The following KLHDC7A variants were observed in gnomAD, a reference collection of about 807,000 sequenced individuals.
The protein encoded by KLHDC7A is kelch domain containing 7A, also known as kelch domain-containing protein 7A.
For synonymous variants in KLHDC7A, 464 were observed against 461.0 expected (o/e 1.01, Z -0.08); for missense variants, 1,123 against 1,052.6 (o/e 1.07, Z -0.93).
Position 18,484,276 on chromosome 1 carries a change from A to G in KLHDC7A, c.*961A>G, listed in dbSNP as rs1281617158. ...CCGCATTCACATTTTCAGGTGGATGACCAAGCGGAGGAACTAGAAGAGTCT... is the reference window on the plus strand; with the variant it reads ...CCGCATTCACATTTTCAGGTGGATGGCCAAGCGGAGGAACTAGAAGAGTCT... On this transcript the variant is annotated 3_prime_UTR_variant, in exon 1 of 1. Coordinates refer to ENST00000400664, the MANE Select transcript of KLHDC7A (RefSeq NM_152375.3). 1 of 367,280 alleles carries G rather than the reference A, an allele frequency of 2.7e-6. No individual in the cohort carries two copies. The highest frequency in any genetic ancestry group is 2.1e-5 in the African/African-American group (1 of 46,684). The allele number at this position is 367,280 out of a possible 1,614,324, so 22.8% of individuals were successfully genotyped here.
chr1:18,483,688 C>T lies in KLHDC7A; in HGVS notation c.*373C>T. On this transcript the variant is annotated 3_prime_UTR_variant, in exon 1 of 1. Coordinates refer to ENST00000400664, the MANE Select transcript of KLHDC7A (RefSeq NM_152375.3). ...CACAATTCTAGGAGCCAGTTGACCC[C>T]AGCAGCCCCTCGCTAGTTGCTCTGG... 1 of 1,196,358 alleles carries T rather than the reference C, an allele frequency of 8.4e-7. No individual in the cohort carries two copies. Among genetic ancestry groups the T allele is most frequent in the East Asian group, 5.7e-5 (1 of 17,420 alleles). 74.1% of individuals were successfully genotyped at this position (1,196,358 alleles called of 1,614,324 possible).
chr1:18,483,248 C>T lies in KLHDC7A; in HGVS notation c.2267C>T (p.Pro756Leu), dbSNP rs776820499. Residue 756 changes from proline (P) to leucine (L), a missense_variant, in exon 1 of 1, where the codon CCG becomes CTG. Physicochemically the swap from Pro to Leu is moderately conservative, Grantham distance 98. Coordinates refer to ENST00000400664, the MANE Select transcript of KLHDC7A (RefSeq NM_152375.3). ...VPKELRSFPA[P>L]QGTLLPTVLT... ...AAGGAGCTGCGGAGTTTCCCGGCCC[C>T]GCAGGGCACCCTCCTGCCCACCGTC... The T allele has an allele frequency of 1.9e-6, 3 of 1,613,872 alleles. No homozygotes were observed. The highest frequency in any genetic ancestry group is 1.7e-5 in the Admixed American group (1 of 60,026).
chr1:18,481,749 C>T lies in KLHDC7A; in HGVS notation c.768C>T (p.Pro256=), dbSNP rs1557444740. The change falls in exon 1 of 1, where the codon CCC becomes CCT. Residue 256 remains proline (P), a synonymous_variant. Transcript: ENST00000400664. ...DLTLHQQEGA[P]NSSYTFSSIA... Reference sequence around the variant, plus strand: ...CCCTGCATCAGCAGGAGGGCGCCCCCAACTCCTCCTATACCTTCTCATCCA... The same window carrying T: ...CCCTGCATCAGCAGGAGGGCGCCCCTAACTCCTCCTATACCTTCTCATCCA... The T allele has an allele frequency of 6.2e-7, 1 of 1,613,994 alleles. No individual in the cohort carries two copies. The highest frequency in any genetic ancestry group is 2.2e-5 in the East Asian group (1 of 44,866).
Position 18,481,236 on chromosome 1 carries a change from C to A in KLHDC7A, c.255C>A (p.Ser85Arg), listed in dbSNP as rs1033666260. The change falls in exon 1 of 1, where the codon AGC becomes AGA. Residue 85 changes from serine to arginine, a missense_variant. Coordinates refer to ENST00000400664, the MANE Select transcript of KLHDC7A (RefSeq NM_152375.3). ...TGAGGGGGCCAAGACGTCGGAGGAG[C>A]AGCAAGCGGGCTGAAGCACCACAGG... is the stretch of plus-strand genomic sequence containing the variant. ...VLLRGPRRRR[S>R]SKRAEAPQGC... 1 of 1,585,278 alleles carries A rather than the reference C, an allele frequency of 6.3e-7. No individual in the cohort carries two copies. Among genetic ancestry groups the A allele is most frequent in the African/African-American group, 1.3e-5 (1 of 74,248 alleles).
Position 18,481,900 on chromosome 1 carries a change from G to T in KLHDC7A, c.919G>T (p.Ala307Ser). The T allele has an allele frequency of 6.2e-7, 1 of 1,613,376 alleles. No individual in the cohort carries two copies. Among genetic ancestry groups the T allele is most frequent in the East Asian group, 2.2e-5 (1 of 44,866 alleles). The change falls in exon 1 of 1, where the codon GCT becomes TCT. Residue 307 changes from alanine to serine, a missense_variant. Physicochemically the swap from Ala to Ser is moderately conservative, Grantham distance 99. Coordinates refer to ENST00000400664, the MANE Select transcript of KLHDC7A (RefSeq NM_152375.3). ...TCAGGCCATCTTCCAGGGCAGGCTGGCTCCCAGGACAGCAGCCCTGACTGA... is the reference window on the plus strand; with the variant it reads ...TCAGGCCATCTTCCAGGGCAGGCTGTCTCCCAGGACAGCAGCCCTGACTGA... ...TSQAIFQGRL[A>S]PRTAALTEVP...
At position 18,483,189 on chromosome 1, in the gene KLHDC7A, C is replaced by G. The variant is rs371488614; in HGVS notation, c.2208C>G (p.Phe736Leu). 3 of 1,614,094 alleles carry G rather than the reference C, an allele frequency of 1.9e-6. No individual in the cohort carries two copies. Among genetic ancestry groups the G allele is most frequent in the Admixed American group, 1.7e-5 (1 of 60,034 alleles). The change falls in exon 1 of 1, where the codon TTC becomes TTG. Residue 736 changes from phenylalanine to leucine, a missense_variant. Phe to Leu is a conservative substitution (Grantham distance 22). Coordinates refer to ENST00000400664, the MANE Select transcript of KLHDC7A (RefSeq NM_152375.3). ...YCVGRRSTLC[F>L]LADSVSPRFV... Reference sequence around the variant, plus strand: ...TGGGACGCCGGAGCACCCTCTGCTTCCTAGCAGACTCTGTCTCACCCAGGT... The same window carrying G: ...TGGGACGCCGGAGCACCCTCTGCTTGCTAGCAGACTCTGTCTCACCCAGGT...
rs1303501680 is a variant in KLHDC7A, at chr1:18,481,465, G to A, written c.484G>A (p.Gly162Ser). 1 of 1,613,720 alleles carries A rather than the reference G, an allele frequency of 6.2e-7. No homozygotes were observed. The highest frequency in any genetic ancestry group is 8.5e-7 in the Non-Finnish European group (1 of 1,180,024). The change falls in exon 1 of 1, where the codon GGC becomes AGC. Residue 162 changes from glycine to serine, a missense_variant. Transcript: ENST00000400664. The part of the protein sequence containing the change: ...NPDPPHFPRL[G>S]SEPKSSPAGL... ...TGACCCTCCCCATTTCCCCCGCTTG[G>A]GCAGCGAACCGAAGAGCTCCCCAGC...
At position 18,483,347 on chromosome 1, in the gene KLHDC7A, TG is replaced by T; in HGVS notation, c.*37del. ...CTCAACTGAGCTCCTCATGCAAAGC[TG>T]GGGGCCACCGGGCTCCACTGCCAGC... On this transcript the variant is annotated 3_prime_UTR_variant, in exon 1 of 1. Coordinates refer to ENST00000400664, the MANE Select transcript of KLHDC7A (RefSeq NM_152375.3). The T allele has an allele frequency of 6.3e-7, 1 of 1,590,998 alleles. No individual in the cohort carries two copies. The highest frequency in any genetic ancestry group is 8.6e-7 in the Non-Finnish European group (1 of 1,166,228).
At position 18,483,810 on chromosome 1, in the gene KLHDC7A, G is replaced by A. The variant is rs1283800907; in HGVS notation, c.*495G>A. Reference sequence around the variant, plus strand: ...CCCAGAAGCACCGGGACACACAGGTGGGAAAGATGGAGGCAGGTGACTTGG... The same window carrying A: ...CCCAGAAGCACCGGGACACACAGGTAGGAAAGATGGAGGCAGGTGACTTGG... On this transcript the variant is annotated 3_prime_UTR_variant, in exon 1 of 1. Coordinates refer to ENST00000400664, the MANE Select transcript of KLHDC7A (RefSeq NM_152375.3). The A allele has an allele frequency of 5.7e-6, 7 of 1,218,424 alleles. No homozygotes were observed. The Admixed American group carries it at 2.0e-4, about 35-fold the overall frequency. 75.5% of individuals were successfully genotyped at this position (1,218,424 alleles called of 1,614,324 possible).
chr1:18,484,387 C>G lies in KLHDC7A; in HGVS notation c.*1072C>G, dbSNP rs1489159229. 1 of 271,110 alleles carries G rather than the reference C, an allele frequency of 3.7e-6. No individual in the cohort carries two copies. The highest frequency in any genetic ancestry group is 7.7e-6 in the Non-Finnish European group (1 of 129,614). 16.8% of individuals were successfully genotyped at this position (271,110 alleles called of 1,614,324 possible). Reference sequence around the variant, plus strand: ...GAGACCCCCAGCCTCAGGAAAGCACCTGTCCTTCCAGGAGGGACGGGAGAG... The same window carrying G: ...GAGACCCCCAGCCTCAGGAAAGCACGTGTCCTTCCAGGAGGGACGGGAGAG... On this transcript the variant is annotated 3_prime_UTR_variant, in exon 1 of 1. Coordinates refer to ENST00000400664, the MANE Select transcript of KLHDC7A (RefSeq NM_152375.3).
chr1:18,481,964 C>T lies in KLHDC7A; in HGVS notation c.983C>T (p.Thr328Ile), dbSNP rs772343349. Residue 328 changes from threonine (T) to isoleucine (I), a missense_variant, in exon 1 of 1, where the codon ACA (threonine) becomes ATA (isoleucine). Physicochemically the swap from Thr to Ile is moderately conservative, Grantham distance 89 (BLOSUM62 -1). Transcript: ENST00000400664. ...SPRPPPGSLG[T>I]GAASGGQAGD... Reference sequence around the variant, plus strand: ...AGGCCACCGCCAGGGTCCCTGGGAACAGGGGCTGCCTCGGGAGGCCAAGCC... The same window carrying T: ...AGGCCACCGCCAGGGTCCCTGGGAATAGGGGCTGCCTCGGGAGGCCAAGCC... 6.2e-7 allele frequency: 1 copy of T among 1,613,078 alleles called. No individual in the cohort carries two copies. Among genetic ancestry groups the T allele is most frequent in the South Asian group, 1.1e-5 (1 of 91,084 alleles).
Position 18,483,617 on chromosome 1 carries a change from A to T in KLHDC7A, c.*302A>T, listed in dbSNP as rs2086914886. ...TTCAACTCTGAATTCTTGGGGGGAT[A>T]CACCGGGACCCCACCAAAGCTTAGG... On this transcript the variant is annotated 3_prime_UTR_variant, in exon 1 of 1. Transcript: ENST00000400664. 1.5e-6 allele frequency: 2 copies of T among 1,300,644 alleles called. No homozygotes were observed. Among genetic ancestry groups the T allele is most frequent in the African/African-American group, 3.0e-5 (2 of 66,540 alleles). The allele number at this position is 1,300,644 out of a possible 1,614,324, so 80.6% of individuals were successfully genotyped here. A position where few individuals can be genotyped will look rare whatever the true frequency, so the allele number is the denominator to read the frequency against.
Position 18,484,042 on chromosome 1 carries a change from G to C in KLHDC7A, c.*727G>C, listed in dbSNP as rs1292696788. 7.7e-7 allele frequency: 1 copy of C among 1,303,910 alleles called. No individual in the cohort carries two copies. The highest frequency in any genetic ancestry group is 2.3e-5 in the Admixed American group (1 of 43,552). The allele number at this position is 1,303,910 out of a possible 1,614,324, so 80.8% of individuals were successfully genotyped here. A position where few individuals can be genotyped will look rare whatever the true frequency, so the allele number is the denominator to read the frequency against. On this transcript the variant is annotated 3_prime_UTR_variant, in exon 1 of 1. Transcript: ENST00000400664. ...TATCTTCTGGTGGAGGTCTGCTAAG[G>C]ATACACGGAGGTCTCAGCAAAGGGA...
In KLHDC7A at chr1:18,484,838, T is replaced by A. The variant is rs1229624859; in HGVS notation, c.*1523T>A. Reference sequence around the variant, plus strand: ...AGACCACCATCCCTGGTCTGGGCTCTGGCACCAGGCTCTGCCAGTGGCAGC... The same window carrying A: ...AGACCACCATCCCTGGTCTGGGCTCAGGCACCAGGCTCTGCCAGTGGCAGC... On this transcript the variant is annotated 3_prime_UTR_variant, in exon 1 of 1. Transcript: ENST00000400664. The A allele has an allele frequency of 6.0e-6, 1 of 167,016 alleles. No individual in the cohort carries two copies. Among genetic ancestry groups the A allele is most frequent in the East Asian group, 1.9e-4 (1 of 5,160 alleles). 10.3% of individuals were successfully genotyped at this position (167,016 alleles called of 1,614,324 possible).
Position 18,482,622 on chromosome 1 carries a change from C to T in KLHDC7A, c.1641C>T (p.Gly547=), listed in dbSNP as rs754824697. ...SLFNYLFVVS[G]CQGPGHQPSS... is the part of the protein sequence containing the mutation. ...TCAATTATCTCTTCGTGGTGTCCGGCTGCCAGGGGCCCGGGCACCAGCCCT... is the reference window on the plus strand; with the variant it reads ...TCAATTATCTCTTCGTGGTGTCCGGTTGCCAGGGGCCCGGGCACCAGCCCT... Residue 547 remains glycine, a synonymous_variant, in exon 1 of 1, where the codon GGC becomes GGT. Coordinates refer to ENST00000400664, the MANE Select transcript of KLHDC7A (RefSeq NM_152375.3). 1 of 1,609,474 alleles carries T rather than the reference C, an allele frequency of 6.2e-7. No individual in the cohort carries two copies. Among genetic ancestry groups the T allele is most frequent in the Non-Finnish European group, 8.5e-7 (1 of 1,179,208 alleles).
chr1:18,480,952 A>G lies in KLHDC7A; in HGVS notation c.-30A>G, dbSNP rs754340152. On this transcript the variant is annotated 5_prime_UTR_variant, in exon 1 of 1. Coordinates refer to ENST00000400664, the MANE Select transcript of KLHDC7A (RefSeq NM_152375.3). ...GGCAATTATTAATCAGATTCTTGACATTCCTCAGCCCCAGGTTGGCTGGAG... is the reference window on the plus strand; with the variant it reads ...GGCAATTATTAATCAGATTCTTGACGTTCCTCAGCCCCAGGTTGGCTGGAG... The G allele has an allele frequency of 6.5e-7, 1 of 1,534,244 alleles. No individual in the cohort carries two copies. The highest frequency in any genetic ancestry group is 1.3e-5 in the South Asian group (1 of 78,690).
At position 18,481,559 on chromosome 1, in the gene KLHDC7A, C is replaced by A. The variant is rs866590959; in HGVS notation, c.578C>A (p.Pro193His). 1.9e-6 allele frequency: 3 copies of A among 1,613,374 alleles called. 1 individual carries two copies. In the South Asian group the frequency reaches 3.3e-5, roughly 18 times the overall value. ...GEPSPWQDSK[P>H]REHPGLGQLE... The stretch of plus-strand genomic sequence containing the variant: ...CCTTCTCCATGGCAGGACAGTAAAC[C>A]CCGTGAGCATCCAGGACTGGGGCAA... Residue 193 changes from proline (P) to histidine (H), a missense_variant, in exon 1 of 1, where the codon CCC (proline) becomes CAC (histidine). Physicochemically the swap from Pro to His is moderately conservative, Grantham distance 77. Transcript: ENST00000400664.
In KLHDC7A at chr1:18,481,523, C is replaced by G. The variant is rs1355015511; in HGVS notation, c.542C>G (p.Ala181Gly). 6.2e-7 allele frequency: 1 copy of G among 1,613,236 alleles called. No individual in the cohort carries two copies. The highest frequency in any genetic ancestry group is 2.2e-5 in the East Asian group (1 of 44,868). ...ATTGCAGCAGCCGACGGCAGCTGTG[C>G]CGGTGGTGAGCCTTCTCCATGGCAG... Reference protein sequence around the residue: ...GLIAAADGSCAGGEPSPWQDS... With the variant: ...GLIAAADGSCGGGEPSPWQDS... The change falls in exon 1 of 1, where the codon GCC becomes GGC. Residue 181 changes from alanine to glycine, a missense_variant. Physicochemically the swap from Ala to Gly is moderately conservative, Grantham distance 60 (BLOSUM62 0). Transcript: ENST00000400664.
rs1034084719 is a variant in KLHDC7A, at chr1:18,481,499, T to C, written c.518T>C (p.Ile173Thr). Residue 173 changes from isoleucine (I) to threonine (T), a missense_variant, in exon 1 of 1, where the codon ATT (isoleucine) becomes ACT (threonine). Ile to Thr is a moderately conservative substitution (Grantham distance 89). Coordinates refer to ENST00000400664, the MANE Select transcript of KLHDC7A (RefSeq NM_152375.3). ...CCGAAGAGCTCCCCAGCTGGACTCA[T>C]TGCAGCAGCCGACGGCAGCTGTGCC... is the stretch of plus-strand genomic sequence containing the variant. ...SEPKSSPAGL[I>T]AAADGSCAGG... is the part of the protein sequence containing the mutation. 2 of 1,613,386 alleles carry C rather than the reference T, an allele frequency of 1.2e-6. No individual in the cohort carries two copies. Among genetic ancestry groups the C allele is most frequent in the Admixed American group, 3.3e-5 (2 of 59,990 alleles).
Sources: gnomAD v4.1 joint callset for allele counts on GRCh38, gnomAD v4.1.1 for gene constraint, MANE v1.5 for transcripts, NCBI Gene and HGNC (gene_info 2026-07-23, HGNC 2026-07-21) for gene names.